LRMDA: variants seen among roughly 807,000 people sequenced by gnomAD.
The protein encoded by LRMDA is leucine-rich melanocyte differentiation-associated protein.
A neutral mutation model predicts 29.8 loss-of-function variants in LRMDA; 18 were observed. That is an observed-to-expected ratio of 0.60 (90% CI 0.42 to 0.90). The LOEUF (loss-of-function observed/expected upper bound fraction) is 0.90. LRMDA is among the 40% of genes least tolerant of loss of function. The pLI, the probability that LRMDA is intolerant of heterozygous loss-of-function variation, is 0.00. For missense variants in LRMDA, 273 were observed against 273.9 expected (o/e 1.00, Z 0.02); for synonymous variants, 125 against 109.4 (o/e 1.14, Z -0.89).
intron 2 of LRMDA, among the ~76,000 whole-genome samples, chr10:75,718,379 T>G (rs1359165816): frequency 6.6e-6 from 1 of 152,204 alleles, no homozygotes; most frequent in Non-Finnish European, 1.5e-5. Context: ...AGGAAATATG[T>G]GAGGCCTCAA....
intron 5 of LRMDA, among the ~76,000 whole-genome samples, chr10:76,253,612 C>A (rs977259226): frequency 6.6e-6 from 1 of 151,942 alleles, no homozygotes. Context: ...ATCTTTTCAA[C>A]GTGCTCATAT....
chr10:75,842,681 T>A (rs1358014481), intron 2 of LRMDA, among the ~76,000 whole-genome samples: 1 of 152,170 alleles, frequency 6.6e-6, no homozygotes, highest in African/African-American at 2.4e-5. Flanking sequence ...CGTGTTTGTA[T>A]GTGTGTACAT....
intron 5 of LRMDA, among the ~76,000 whole-genome samples, chr10:76,315,300 A>C (rs2758974): frequency 0.64 from 97,978 of 152,164 alleles, 34,176 homozygotes; most frequent in Non-Finnish European, 0.81. Context: ...CCACCCCCTA[A>C]CCAGTTGAAG....
chr10:75,994,121 A>G (rs1032045093), intron 2 of LRMDA, among the ~76,000 whole-genome samples: 24 of 152,334 alleles, frequency 1.6e-4, no homozygotes, highest in African/African-American at 5.8e-4. Context: ...TTATAGATGA[A>G]TGACAGAAGA....
chr10:76,530,911 A>G (rs1390962035), intron 6 of LRMDA, among the ~76,000 whole-genome samples: 2 of 152,180 alleles, frequency 1.3e-5, no homozygotes, highest in African/African-American at 4.8e-5. Flanking sequence ...TTCTGGGGAC[A>G]ATTGGCTTTC....
intron 2 of LRMDA, among the ~76,000 whole-genome samples, chr10:75,611,073 G>T (rs10762673): frequency 6.6e-6 from 1 of 151,752 alleles, no homozygotes; most frequent in African/African-American, 2.4e-5. Flanking sequence ...GCTGGAGCTG[G>T]TGGGGCACTC....
intron 2 of LRMDA, among the ~76,000 whole-genome samples, chr10:75,446,620 T>C (rs1373310476): frequency 6.6e-6 from 1 of 152,262 alleles, no homozygotes; most frequent in East Asian, 1.9e-4. Flanking sequence ...CCTTTGCTTA[T>C]CTGTTGTGGA....
At chr10:76,444,047 G>T (rs1245901093) in intron 6 of LRMDA, among the ~76,000 whole-genome samples, 1 of 152,146 alleles carries the variant, frequency 6.6e-6, no homozygotes, top group Non-Finnish European at 1.5e-5. Flanking sequence ...AGAATGGATA[G>T]GTCTTCACTT....
intron 2 of LRMDA, among the ~76,000 whole-genome samples, chr10:75,672,523 T>A: frequency 4.9e-5 from 1 of 20,498 alleles, no homozygotes; most frequent in African/African-American, 2.3e-4. Context: ...TTCTTTTCTT[T>A]TCCTCCCCTC....
At chr10:76,212,951 C>T (rs1297897038) in intron 5 of LRMDA, among the ~76,000 whole-genome samples, 1 of 152,138 alleles carries the variant, frequency 6.6e-6, no homozygotes, top group Non-Finnish European at 1.5e-5. Flanking sequence ...TGTTCCAAGG[C>T]CACACATCTG....
chr10:75,639,944 C>T (rs1021928189), intron 2 of LRMDA, among the ~76,000 whole-genome samples: 2 of 152,244 alleles, frequency 1.3e-5, no homozygotes, highest in Non-Finnish European at 2.9e-5. Context: ...AATCCTTCAT[C>T]ACCAAGGGAG....
At chr10:76,020,293 C>T (rs1847951335) in intron 2 of LRMDA, among the ~76,000 whole-genome samples, 1 of 152,086 alleles carries the variant, frequency 6.6e-6, no homozygotes, top group South Asian at 2.1e-4. Flanking sequence ...GAAAACATGT[C>T]ACATAAAAGC....
At chr10:76,151,010 C>T (rs925161506) in intron 5 of LRMDA, among the ~76,000 whole-genome samples, 9 of 152,074 alleles carry the variant, frequency 5.9e-5, no homozygotes, top group Admixed American at 3.9e-4. Context: ...AAGACCCAGC[C>T]GGGCAGCAGA....
chr10:75,465,997 C>T (rs528575231), intron 2 of LRMDA, among the ~76,000 whole-genome samples: 7 of 152,294 alleles, frequency 4.6e-5, no homozygotes, highest in Non-Finnish European at 8.8e-5. Context: ...AAAAGATTAG[C>T]CATAGGCACT....
chr10:76,079,390 G>A (rs978928576), intron 5 of LRMDA, among the ~76,000 whole-genome samples: 7 of 152,262 alleles, frequency 4.6e-5, no homozygotes, highest in Middle Eastern at 3.4e-3. Context: ...CATGTCATCT[G>A]CCTCCCTCCA....
At chr10:75,477,065 A>C (rs1433028267) in intron 2 of LRMDA, among the ~76,000 whole-genome samples, 1 of 150,424 alleles carries the variant, frequency 6.6e-6, no homozygotes, top group Non-Finnish European at 1.5e-5. Context: ...AACACAGCTC[A>C]CTGCTGCCTT....
At chr10:76,206,895 C>T (rs982586500) in intron 5 of LRMDA, among the ~76,000 whole-genome samples, 3 of 152,202 alleles carry the variant, frequency 2.0e-5, no homozygotes, top group Admixed American at 6.5e-5. Context: ...CCCATTTGTC[C>T]GGGGCTTGCT....
intron 2 of LRMDA, among the ~76,000 whole-genome samples, chr10:75,633,986 G>A (rs1308581607): frequency 1.3e-5 from 2 of 152,230 alleles, no homozygotes; most frequent in Non-Finnish European, 2.9e-5. Flanking sequence ...CACCCACAGT[G>A]TGCTGTTTTA....
At chr10:76,121,864 G>A (rs1261108303) in intron 5 of LRMDA, among the ~76,000 whole-genome samples, 2 of 152,054 alleles carry the variant, frequency 1.3e-5, no homozygotes, top group Middle Eastern at 3.2e-3. Context: ...GTTCCCATTG[G>A]GGATCATGCA....
Sources: allele counts gnomAD v4.1 joint callset (sites outside exome capture counted in the v4.1 genomes callset), GRCh38; gene constraint gnomAD v4.1.1; transcripts MANE v1.5; gene names NCBI Gene and HGNC (gene_info 2026-07-23, HGNC 2026-07-21).